COA1: variants seen among roughly 807,000 people sequenced by gnomAD.
COA1 encodes the protein cytochrome c oxidase assembly factor 1 homolog.
Under a neutral mutation model 16.0 loss-of-function variants are expected in COA1, and 13 were observed. The observed-to-expected ratio is 0.81, with a 90% CI of 0.53 to 1.29. The LOEUF is 1.29. Among genes scored for constraint, COA1 ranks in the 50% most tolerant of loss-of-function variants. The pLI is 0.00. For missense variants in COA1, 179 were observed against 177.0 expected (o/e 1.01, Z -0.06); for synonymous variants, 65 against 65.7 (o/e 0.99, Z 0.05).
Position 43,715,581 on chromosome 7 carries a change from T to C in COA1, c.-39+13848A>G, listed in dbSNP as rs896434456. Among the ~76,000 whole-genome samples, 8 of 152,334 alleles carry C rather than the reference T, an allele frequency of 5.3e-5. No individual in the cohort carries two copies. In the South Asian group the frequency reaches 6.2e-4, roughly 12 times the overall value. ...CTCATTTTTGTTTTGCCTTTGAATA[T>C]TGCTTTCACTAATTTTAGATCAAGT... On this transcript the variant is annotated intron_variant, in intron 1 of 5. Transcript: ENST00000223336.
In COA1 at chr7:43,679,735, C is replaced by G. The variant is rs1200352404; in HGVS notation, c.-38-31083G>C. ...ATTCTTCAAATGCAATATCCAGGCC[C>G]CAGTCAAGGATAGTGGAGTATGCAA... On this transcript the variant is annotated intron_variant, in intron 1 of 5. Coordinates refer to ENST00000223336, the MANE Select transcript of COA1 (RefSeq NM_018224.4). Among the ~76,000 whole-genome samples, 8 of 152,158 alleles carry G rather than the reference C, an allele frequency of 5.3e-5. No individual in the cohort carries two copies. The East Asian group carries it at 1.5e-3, about 29-fold the overall frequency.
chr7:43,696,533 C>T (rs2094532599), intron 1 of COA1, among the ~76,000 whole-genome samples: 2 of 152,028 alleles, frequency 1.3e-5, no homozygotes, highest in Non-Finnish European at 2.9e-5. Flanking sequence ...CTACACAGCA[C>T]CTAAAATGAA....
At chr7:43,697,361 G>A (rs13239421) in intron 1 of COA1, among the ~76,000 whole-genome samples, 22,300 of 151,444 alleles carry the variant, frequency 0.15, 2,183 homozygotes, top group Non-Finnish European at 0.21. Flanking sequence ...GCATGATCTC[G>A]ACTCACTGCA....
intron 1 of COA1, among the ~76,000 whole-genome samples, chr7:43,655,414 G>A (rs921638335): frequency 2.6e-5 from 4 of 152,174 alleles, no homozygotes; most frequent in Non-Finnish European, 5.9e-5. Context: ...ACTTTGGGAG[G>A]CCGAGGCAGG....
intron 1 of COA1, among the ~76,000 whole-genome samples, chr7:43,681,488 T>C (rs2093765480): frequency 6.6e-6 from 1 of 152,226 alleles, no homozygotes; most frequent in South Asian, 2.1e-4. Flanking sequence ...TTTGGGGAAA[T>C]GGTTCCCTTC....
chr7:43,674,497 A>T (rs1412855846), intron 1 of COA1, among the ~76,000 whole-genome samples: 1 of 152,248 alleles, frequency 6.6e-6, no homozygotes, highest in Non-Finnish European at 1.5e-5. Context: ...TGGCTTTATA[A>T]AACTCTATAA....
intron 6 of COA1, among the ~76,000 whole-genome samples, chr7:43,628,305 TTTA>T (rs2084808846): frequency 6.8e-6 from 1 of 147,218 alleles, no homozygotes; most frequent in Admixed American, 6.7e-5. Context: ...TTTGTTCCTT[TTTA>T]TTGTTGTGTC....
intron 1 of COA1, among the ~76,000 whole-genome samples, chr7:43,664,211 G>A (rs2092722158): frequency 6.6e-6 from 1 of 150,938 alleles, no homozygotes; most frequent in African/African-American, 2.4e-5. Flanking sequence ...TAATTTCTAG[G>A]TTCAAGCAAT....
At chr7:43,714,587 C>T (rs536009697) in intron 1 of COA1, among the ~76,000 whole-genome samples, 29 of 151,622 alleles carry the variant, frequency 1.9e-4, no homozygotes, top group African/African-American at 6.8e-4. Flanking sequence ...TGAGATAGTG[C>T]CATTGCACTC....
intron 1 of COA1, among the ~76,000 whole-genome samples, chr7:43,721,329 T>C (rs1182590429): frequency 1.3e-5 from 2 of 152,266 alleles, no homozygotes; most frequent in African/African-American, 4.8e-5. Context: ...GTAAAAAATG[T>C]ACAGCAATTA....
intron 3 of COA1, chr7:43,646,073 G>T (rs1404324188): frequency 6.5e-6 from 1 of 154,118 alleles, no homozygotes; most frequent in Non-Finnish European, 1.4e-5. Context: ...CTGCCCAAAG[G>T]AGGGAGCAGA....
intron 1 of COA1, among the ~76,000 whole-genome samples, chr7:43,712,364 C>T (rs1307371285): frequency 6.6e-6 from 1 of 152,122 alleles, no homozygotes; most frequent in Non-Finnish European, 1.5e-5. Context: ...CCACCTGCCT[C>T]GGCCCCACAA....
chr7:43,676,547 C>G (rs941683781), intron 1 of COA1, among the ~76,000 whole-genome samples: 13 of 152,090 alleles, frequency 8.5e-5, no homozygotes, highest in Non-Finnish European at 1.6e-4. Context: ...AAAAGTTGAT[C>G]TCATATAAGT....
rs1052042634 is a variant in COA1 at position 43,663,983 on chromosome 7, G to T, written c.-38-15331C>A. ...AAAATGGATGATCCCTTAAGCCCAG[G>T]AGTCAGAGGCTGCAGTGAGCCAAGA... On this transcript the variant is annotated intron_variant, in intron 1 of 5. Transcript: ENST00000223336. Among the ~76,000 whole-genome samples, 12 of 152,048 alleles carry T rather than the reference G, an allele frequency of 7.9e-5. No individual in the cohort carries two copies. The South Asian group carries it at 1.5e-3, about 18-fold the overall frequency.
intron 1 of COA1, among the ~76,000 whole-genome samples, chr7:43,671,721 C>T (rs2093276762): frequency 6.6e-6 from 1 of 152,142 alleles, no homozygotes; most frequent in Admixed American, 6.5e-5. Context: ...GACTGTAATA[C>T]ACATGTGTCA....
intron 4 of COA1, among the ~76,000 whole-genome samples, chr7:43,644,762 G>GATA (rs1563228848): frequency 1.2e-5 from 1 of 80,044 alleles, no homozygotes; most frequent in African/African-American, 4.3e-5. Flanking sequence ...AGATAGATAG[G>GATA]CAGGCAGGCA....
At chr7:43,650,112 T>G (rs1242635645) in intron 1 of COA1, 1 of 152,128 alleles carries the variant, frequency 6.6e-6, no homozygotes, top group East Asian at 1.9e-4. Context: ...GAGAGCATAG[T>G]GGGTGATTAC....
chr7:43,608,747 GA>G (rs371357742), exon 7 of COA1: 4 of 166,462 alleles, frequency 2.4e-5, no homozygotes, highest in African/African-American at 4.8e-5. Flanking sequence ...ATGTGTTTGG[GA>G]AAAAAATAAA....
chr7:43,709,580 C>T (rs1437013262), intron 1 of COA1, among the ~76,000 whole-genome samples: 1 of 152,054 alleles, frequency 6.6e-6, no homozygotes, highest in Non-Finnish European at 1.5e-5. Flanking sequence ...TCTACATATT[C>T]ACATGTCTAT....
Sources: gnomAD v4.1 joint callset for allele counts (sites outside exome capture counted in the v4.1 genomes callset) on GRCh38, gnomAD v4.1.1 for gene constraint, MANE v1.5 for transcripts, NCBI Gene and HGNC (gene_info 2026-07-23, HGNC 2026-07-21) for gene names.